The following PRKCE variants were observed in gnomAD, a reference collection of about 807,000 sequenced individuals.
PRKCE encodes the protein protein kinase C epsilon.
PRKCE carries 16 observed loss-of-function variants against 85.4 expected under a neutral mutation model. That is an observed-to-expected ratio of 0.19 (90% CI 0.13 to 0.28). The LOEUF (loss-of-function observed/expected upper bound fraction) is 0.28, where lower values mean the gene tolerates loss of function less well. PRKCE is among the 10% of genes least tolerant of loss of function. PRKCE has a pLI of 1.00. For missense variants in PRKCE, 573 were observed against 975.2 expected (o/e 0.59, Z 5.49); for synonymous variants, 388 against 371.5 (o/e 1.04, Z -0.51).
chr2:46,062,242 C>T (rs998673703), intron 10 of PRKCE, among the ~76,000 whole-genome samples: 20 of 152,288 alleles, frequency 1.3e-4, no homozygotes, highest in African/African-American at 4.3e-4. Context: ...GGAATGAATA[C>T]GATAGACATG....
chr2:46,009,264 C>G (rs988198091), intron 9 of PRKCE, among the ~76,000 whole-genome samples: 1 of 151,964 alleles, frequency 6.6e-6, no homozygotes, highest in African/African-American at 2.4e-5. Flanking sequence ...AATAAAATAA[C>G]AGAAAATTAT....
chr2:45,692,708 G>GACACAC (rs61597020), intron 1 of PRKCE, among the ~76,000 whole-genome samples: 1,682 of 149,544 alleles, frequency 0.011, 33 homozygotes, highest in African/African-American at 0.032. Context: ...TCCAAGGGAG[G>GACACAC]ACACACACAC....
In PRKCE at chr2:45,760,123, G is replaced by A. The variant is rs371675770; in HGVS notation, c.349-82877G>A. 2.6e-5 allele frequency among the ~76,000 whole-genome samples: 4 copies of A among 152,198 alleles called. No homozygotes were observed. In the South Asian group the frequency reaches 8.3e-4, roughly 31 times the overall value. On this transcript the variant is annotated intron_variant, in intron 1 of 14. Coordinates refer to ENST00000306156, the MANE Select transcript of PRKCE (RefSeq NM_005400.3). ...AGGTGATCAGGGAAGGTTACTTGGAGGAGGCAGGCTGTGAAAAGGAGAAGA... is the reference window on the plus strand; with the variant it reads ...AGGTGATCAGGGAAGGTTACTTGGAAGAGGCAGGCTGTGAAAAGGAGAAGA...
intron 1 of PRKCE, among the ~76,000 whole-genome samples, chr2:45,787,267 A>G (rs577808709): frequency 6.6e-6 from 1 of 152,322 alleles, no homozygotes; most frequent in East Asian, 1.9e-4. Flanking sequence ...GAACTCAATG[A>G]TCACACCTAG....
intron 1 of PRKCE, among the ~76,000 whole-genome samples, chr2:45,698,979 T>G (rs1335902809): frequency 2.0e-5 from 3 of 152,220 alleles, no homozygotes; most frequent in Non-Finnish European, 4.4e-5. Context: ...GATTACATCT[T>G]GTCATCTTGT....
intron 10 of PRKCE, among the ~76,000 whole-genome samples, chr2:46,063,124 T>C (rs571657003): frequency 7.7e-4 from 117 of 152,282 alleles, no homozygotes; most frequent in Non-Finnish European, 1.4e-3. Context: ...CGATGATTGT[T>C]GGAAAGGCAG....
Position 46,099,500 on chromosome 2 carries a change from AT to A in PRKCE, c.1592+13152del, listed in dbSNP as rs56086039. ...ACCTTTTCCTGGAATAAGGTATGGT[AT>A]TTTTTTTTTTTTTACGCTAACTTTT... is the stretch of plus-strand genomic sequence containing the variant. On this transcript the variant is annotated intron_variant, in intron 11 of 14. Transcript: ENST00000306156. 7.0e-3 allele frequency among the ~76,000 whole-genome samples: 1,027 copies of A among 146,242 alleles called. 3 individuals carry two copies. Among genetic ancestry groups the A allele is most frequent in the African/African-American group, 0.012 (484 of 39,808 alleles).
At chr2:45,828,241 T>C (rs937707739) in intron 1 of PRKCE, among the ~76,000 whole-genome samples, 1 of 152,228 alleles carries the variant, frequency 6.6e-6, no homozygotes, top group Non-Finnish European at 1.5e-5. Context: ...CAAAGGATTT[T>C]TCAATTAGAT....
Position 46,059,152 on chromosome 2 carries a change from G to A in PRKCE, c.1438-27056G>A, listed in dbSNP as rs1321496649. ...TGTGGTCCCAGCTACTTGGGAGGCT[G>A]AGCCATGAGGATCACTAGCCATGAG... is the stretch of plus-strand genomic sequence containing the variant. On this transcript the variant is annotated intron_variant, in intron 10 of 14. Coordinates refer to ENST00000306156, the MANE Select transcript of PRKCE (RefSeq NM_005400.3). Among the ~76,000 whole-genome samples, 17 of 152,218 alleles carry A rather than the reference G, an allele frequency of 1.1e-4. No homozygotes were observed. In the East Asian group the frequency reaches 2.7e-3, roughly 24 times the overall value.
Position 45,789,750 on chromosome 2 carries a change from G to T in PRKCE, c.349-53250G>T, listed in dbSNP as rs142693590. On this transcript the variant is annotated intron_variant, in intron 1 of 14. Coordinates refer to ENST00000306156, the MANE Select transcript of PRKCE (RefSeq NM_005400.3). ...TACCCCTGCCACCCATTTTTAATGA[G>T]CAGTCAGGGCTGAGAATCACAACTT... Among the ~76,000 whole-genome samples the T allele has an allele frequency of 4.3e-3, 650 of 152,292 alleles. 17 individuals are homozygous for T. Among genetic ancestry groups the T allele is most frequent in the Non-Finnish European group, 1.5e-3 (104 of 68,018 alleles).
intron 10 of PRKCE, among the ~76,000 whole-genome samples, chr2:46,080,701 T>G (rs192551962): frequency 6.6e-6 from 1 of 152,324 alleles, no homozygotes; most frequent in East Asian, 1.9e-4. Flanking sequence ...TCCTCAGGTA[T>G]GGAGTTTGGA....
chr2:45,942,092 A>G (rs925585592), intron 2 of PRKCE, among the ~76,000 whole-genome samples: 10 of 152,252 alleles, frequency 6.6e-5, no homozygotes, highest in African/African-American at 2.2e-4. Context: ...GGCATGGTCC[A>G]TGGAATGTGA....
intron 14 of PRKCE, among the ~76,000 whole-genome samples, chr2:46,182,026 T>G (rs1389092786): frequency 2.0e-5 from 3 of 152,184 alleles, no homozygotes; most frequent in Admixed American, 2.0e-4. Flanking sequence ...TGGAATATTC[T>G]TCTTGCCCTA....
intron 7 of PRKCE, among the ~76,000 whole-genome samples, chr2:46,003,390 G>A (rs375928061): frequency 1.3e-5 from 2 of 152,334 alleles, no homozygotes; most frequent in African/African-American, 4.8e-5. Flanking sequence ...AAGTGGATAT[G>A]CCAGCATCTA....
At chr2:45,920,220 G>A (rs116456542) in intron 2 of PRKCE, among the ~76,000 whole-genome samples, 8,322 of 152,298 alleles carry the variant, frequency 0.055, 257 homozygotes, top group African/African-American at 0.088. Context: ...GGAAAACAAA[G>A]TGACATCAGC....
At chr2:45,654,341 T>A (rs1170725424) in intron 1 of PRKCE, among the ~76,000 whole-genome samples, 2 of 152,236 alleles carry the variant, frequency 1.3e-5, no homozygotes, top group African/African-American at 4.8e-5. Context: ...GGGAACTTGT[T>A]TGGTTATCAT....
At chr2:45,675,816 T>C (rs1676415110) in intron 1 of PRKCE, 1 of 152,232 alleles carries the variant, frequency 6.6e-6, no homozygotes, top group Admixed American at 6.5e-5. Flanking sequence ...AGCTCACAGA[T>C]GGGCCTGACT....
At chr2:45,890,541 G>A (rs1204607604) in intron 2 of PRKCE, among the ~76,000 whole-genome samples, 2 of 152,008 alleles carry the variant, frequency 1.3e-5, no homozygotes, top group Non-Finnish European at 2.9e-5. Flanking sequence ...CACCACACCT[G>A]GCTAATTTTT....
chr2:45,954,071 A>G (rs548012400), intron 2 of PRKCE, among the ~76,000 whole-genome samples: 5 of 152,332 alleles, frequency 3.3e-5, no homozygotes, highest in African/African-American at 1.2e-4. Context: ...GTCATTTTCT[A>G]TAAATCTACT....
Sources: allele counts gnomAD v4.1 joint callset (sites outside exome capture counted in the v4.1 genomes callset), GRCh38; gene constraint gnomAD v4.1.1; transcripts MANE v1.5; gene names NCBI Gene and HGNC (gene_info 2026-07-23, HGNC 2026-07-21).